The following ATXN2 variants were observed in gnomAD, a reference collection of about 807,000 sequenced individuals.
ATXN2 encodes ataxin 2.
A neutral mutation model predicts 138.6 loss-of-function variants in ATXN2; 37 were observed. That is an observed-to-expected ratio of 0.27 (90% CI 0.21 to 0.35). The LOEUF is 0.35. ATXN2 is among the 10% of genes least tolerant of loss of function. The pLI, the probability that ATXN2 is intolerant of heterozygous loss-of-function variation, is 1.00. For missense variants in ATXN2, 1,216 were observed against 1,480.3 expected, an observed-to-expected ratio of 0.82 and a Z score of 2.93; for synonymous variants, 549 against 543.7, an observed-to-expected ratio of 1.01 and a Z score of -0.13.
In ATXN2 at chr12:111,470,139, G is replaced by A. The variant is rs773866011; in HGVS notation, c.2811C>T (p.Tyr937=). The part of the protein sequence containing the change: ...PGLVSSSATQ[Y]GAHEQTHAMY... ...TCGCATGCGTCTGCTCATGAGCCCC[G>A]TACTGAGTTGCTGAAGAAGATACTA... Residue 937 remains tyrosine (Y), a synonymous_variant, in exon 20 of 25, where the codon TAC becomes TAT. Coordinates refer to ENST00000673436, the MANE Select transcript of ATXN2 (RefSeq NM_001372574.1). The A allele has an allele frequency of 1.7e-5, 27 of 1,613,962 alleles. 1 individual carries two copies. The Admixed American group carries it at 1.8e-4, about 11-fold the overall frequency.
Position 111,488,615 on chromosome 12 carries a change from T to C in ATXN2, c.2101A>G (p.Ser701Gly). 1 of 1,614,228 alleles carries C rather than the reference T, an allele frequency of 6.2e-7. No homozygotes were observed. Among genetic ancestry groups the C allele is most frequent in the Non-Finnish European group, 8.5e-7 (1 of 1,180,040 alleles). Residue 701 changes from serine (S) to glycine (G), a missense_variant, in exon 15 of 25, where the codon AGC (serine) becomes GGC (glycine). By Grantham distance (56) the Ser-to-Gly change is moderately conservative. This residue lies in a region of ATXN2 where 490 missense variants were observed against 653.5 expected (regional missense o/e 0.75). Coordinates refer to ENST00000673436, the MANE Select transcript of ATXN2 (RefSeq NM_001372574.1). Reference sequence around the variant, plus strand: ...AGTATTGAAGGGGAAATGCTGGGGCTATTCGGCTTGCTGCTGCCACTGGTA... The same window carrying C: ...AGTATTGAAGGGGAAATGCTGGGGCCATTCGGCTTGCTGCTGCCACTGGTA... ...NCTSGSSKPN[S>G]PSISPSILSN...
chr12:111,593,503 A>C (rs759862548), intron 1 of ATXN2, among the ~76,000 whole-genome samples: 1 of 152,128 alleles, frequency 6.6e-6, no homozygotes, highest in Admixed American at 6.6e-5. Context: ...AACACTGAAA[A>C]TACAAGTTTA....
chr12:111,452,941 T>C, intron 24 of ATXN2, 101 bp from the exon 25 acceptor site: 6 of 1,128,944 alleles, frequency 5.3e-6, no homozygotes, highest in Non-Finnish European at 5.6e-6. Context: ...TCGTGCTAGC[T>C]GAACAAAACT....
Position 111,599,126 on chromosome 12 carries a change from C to G in ATXN2, c.-92G>C, listed in dbSNP as rs766035142. On this transcript the variant is annotated 5_prime_UTR_variant, in exon 1 of 25. Transcript: ENST00000673436. Reference sequence around the variant, plus strand: ...GACGCCGGAACGCGGCGGGGACGCGCGGGCGCCGAGCGGGGAGGCGCGGGT... The same window carrying G: ...GACGCCGGAACGCGGCGGGGACGCGGGGGCGCCGAGCGGGGAGGCGCGGGT... 6.8e-5 allele frequency: 84 copies of G among 1,228,912 alleles called. 2 individuals carry two copies. In the South Asian group the frequency reaches 2.8e-3, roughly 41 times the overall value. 76.1% of individuals were successfully genotyped at this position (1,228,912 alleles called of 1,614,324 possible).
At chr12:111,554,241 AC>A (rs748136150) in intron 2 of ATXN2, 24 bp from the exon 3 acceptor site, 3 of 1,283,758 alleles carry the variant, frequency 2.3e-6, no homozygotes, top group Non-Finnish European at 3.1e-6. Flanking sequence ...AAAAAAAAAA[AC>A]TATTAGAAAT....
rs1491334229 is a variant in ATXN2, at chr12:111,579,698, CCT to C, written c.251+19084_251+19085del. On this transcript the variant is annotated intron_variant, in intron 1 of 24. Transcript: ENST00000673436. Reference sequence around the variant, plus strand: ...TACTAACATGCAATAGTACAGACGACCTTTTTTTTTTTTTTTTGAGATAAGAG... The same window carrying C: ...TACTAACATGCAATAGTACAGACGACTTTTTTTTTTTTTTTGAGATAAGAG... Among the ~76,000 whole-genome samples, 11 of 150,444 alleles carry C rather than the reference CCT, an allele frequency of 7.3e-5. 2 individuals are homozygous for C. Among genetic ancestry groups the C allele is most frequent in the African/African-American group, 2.7e-4 (11 of 40,930 alleles).
intron 14 of ATXN2, among the ~76,000 whole-genome samples, chr12:111,508,609 G>A (rs1271517364): frequency 6.6e-6 from 1 of 151,640 alleles, no homozygotes; most frequent in Non-Finnish European, 1.5e-5. Context: ...ACCATGCCTA[G>A]CTAATTTTTC....
In ATXN2 at chr12:111,453,552, A is replaced by G; in HGVS notation, c.3439+125T>C. 7.1e-7 allele frequency: 1 copy of G among 1,415,172 alleles called. No homozygotes were observed. Among genetic ancestry groups the G allele is most frequent in the Non-Finnish European group, 9.2e-7 (1 of 1,085,374 alleles). The allele number at this position is 1,415,172 out of a possible 1,614,324, so 87.7% of individuals were successfully genotyped here. On this transcript the variant is annotated intron_variant, in intron 24 of 24. Transcript: ENST00000673436. The surrounding 1 kb of genome is among the most constrained non-coding windows in gnomAD (Gnocchi z 5.4). ...GATCGTCACAGTCCCTCCTGTGCAC[A>G]CTCCTGGACGGGTCTTGCTAGTTCT...
At chr12:111,499,801 C>T (rs910051765) in intron 14 of ATXN2, among the ~76,000 whole-genome samples, 7 of 152,138 alleles carry the variant, frequency 4.6e-5, no homozygotes, top group Non-Finnish European at 7.3e-5. Context: ...TCGAGACCAG[C>T]CTGGGCCAAA....
chr12:111,567,828 T>C (rs1883098902), intron 1 of ATXN2, among the ~76,000 whole-genome samples: 1 of 151,898 alleles, frequency 6.6e-6, no homozygotes, highest in Non-Finnish European at 1.5e-5. Flanking sequence ...TAAATGTACA[T>C]TTTCGTATGT....
chr12:111,573,173 ATTG>A (rs1227083946), intron 1 of ATXN2, among the ~76,000 whole-genome samples: 9 of 151,704 alleles, frequency 5.9e-5, no homozygotes, highest in East Asian at 1.9e-4. Context: ...TTTCTTCATT[ATTG>A]TTATTATTTT....
Position 111,598,796 on chromosome 12 carries a change from G to A in ATXN2, c.239C>T (p.Pro80Leu). 2 of 1,391,340 alleles carry A rather than the reference G, an allele frequency of 1.4e-6. No homozygotes were observed. Among genetic ancestry groups the A allele is most frequent in the African/African-American group, 1.5e-5 (1 of 65,074 alleles). 86.2% of individuals were successfully genotyped at this position (1,391,340 alleles called of 1,614,324 possible). A position where few individuals can be genotyped will look rare whatever the true frequency, so the allele number is the denominator to read the frequency against. The change falls in exon 1 of 25, where the codon CCC becomes CTC. Residue 80 changes from proline (P) to leucine (L), a missense_variant. This residue lies in a region of ATXN2 where 401 missense variants were observed against 528.1 expected (regional missense o/e 0.76). Transcript: ENST00000673436. The surrounding 1 kb of genome is among the most constrained non-coding windows in gnomAD (Gnocchi z 4.5). ...VVAATSGGGR[P>L]GLGRGRNSNK... is the part of the protein sequence containing the mutation. ...TGCCGACACCCACCTGCCCAGGCCG[G>A]GCCTCCCGCCGCCGGAGGTCGCCGC...
intron 1 of ATXN2, among the ~76,000 whole-genome samples, chr12:111,591,953 G>A (rs1267366003): frequency 6.6e-6 from 1 of 151,552 alleles, no homozygotes; most frequent in Non-Finnish European, 1.5e-5. Flanking sequence ...GGGGTAGCAG[G>A]CACCTGTAAT....
At chr12:111,530,768 C>T (rs1015858027) in intron 5 of ATXN2, among the ~76,000 whole-genome samples, 5 of 151,960 alleles carry the variant, frequency 3.3e-5, no homozygotes, top group East Asian at 1.9e-4. Flanking sequence ...GAGCAGAGAT[C>T]GCGCCACTGC....
At chr12:111,581,775 A>C in intron 1 of ATXN2, 1 of 571,742 alleles carries the variant, frequency 1.7e-6, no homozygotes, top group Non-Finnish European at 3.3e-6. Flanking sequence ...CAAGTCTATC[A>C]ACAGATCAGG....
intron 20 of ATXN2, among the ~76,000 whole-genome samples, chr12:111,468,190 A>G (rs11065915): frequency 0.1 from 15,603 of 152,356 alleles, 2,671 homozygotes; most frequent in African/African-American, 0.35. Context: ...AAAAGCCAGC[A>G]TGATAAATCA....
Position 111,586,216 on chromosome 12 carries a change from A to G in ATXN2, c.251+12568T>C, listed in dbSNP as rs371678517. Among the ~76,000 whole-genome samples the G allele has an allele frequency of 1.9e-3, 284 of 148,076 alleles. 1 individual carries two copies. The highest frequency in any genetic ancestry group is 0.011 in the Middle Eastern group (3 of 276). On this transcript the variant is annotated intron_variant, in intron 1 of 24. Coordinates refer to ENST00000673436, the MANE Select transcript of ATXN2 (RefSeq NM_001372574.1). ...CACCATGCCCAGCCACCAGTCTTCC[A>G]AACTTTTTTTTTTTTTTTGAGACAG...
chr12:111,567,982 CGG>C (rs1883109167), intron 1 of ATXN2, among the ~76,000 whole-genome samples: 4 of 152,008 alleles, frequency 2.6e-5, no homozygotes, highest in Admixed American at 2.0e-4. Flanking sequence ...TGGGGGAGGC[CGG>C]GCGCAGTGGC....
intron 15 of ATXN2, among the ~76,000 whole-genome samples, chr12:111,487,680 A>C (rs974931882): frequency 2.6e-5 from 4 of 151,748 alleles, no homozygotes; most frequent in Non-Finnish European, 5.9e-5. Flanking sequence ...GCTGGTCTTC[A>C]ACTCCTAACC....
Sources: gnomAD v4.1 joint callset for allele counts (sites outside exome capture counted in the v4.1 genomes callset) on GRCh38, gnomAD v4.1.1 for gene constraint, gnomAD v4.1.1 regional missense constraint, Gnocchi (gnomAD v3.1) non-coding constraint, MANE v1.5 for transcripts, NCBI Gene and HGNC (gene_info 2026-07-23, HGNC 2026-07-21) for gene names.